The following COL22A1 variants were observed in gnomAD, a reference collection of about 807,000 sequenced individuals.
COL22A1 encodes collagen alpha-1(XXII) chain.
A neutral mutation model predicts 248.9 loss-of-function variants in COL22A1; 221 were observed. The ratio of observed to expected loss-of-function variants is 0.89; its 90% CI spans 0.80 to 0.99. The LOEUF (loss-of-function observed/expected upper bound fraction) is 0.99, where lower values mean the gene tolerates loss of function less well. Ranked by LOEUF, COL22A1 falls within the 50% of genes least tolerant of loss-of-function variation. COL22A1 has a pLI of 0.00. For synonymous variants in COL22A1, 891 were observed against 793.4 expected (o/e 1.12, Z -2.07); for missense variants, 2,240 against 2,179.0 (o/e 1.03, Z -0.56).
At chr8:138,844,273 T>C (rs768977040) in intron 3 of COL22A1, 115 bp from the exon 4 acceptor site, 48 of 899,022 alleles carry the variant, frequency 5.3e-5, no homozygotes, top group African/African-American at 5.2e-4. Flanking sequence ...AGGTGTTCAA[T>C]GCCTGGAGAA....
chr8:138,649,267 A>G (rs970666902), intron 46 of COL22A1, among the ~76,000 whole-genome samples: 3 of 152,228 alleles, frequency 2.0e-5, no homozygotes. Context: ...GATTGAATGC[A>G]TGCATGAATG....
At chr8:138,746,146 A>T (rs956734477) in intron 22 of COL22A1, among the ~76,000 whole-genome samples, 1 of 152,146 alleles carries the variant, frequency 6.6e-6, no homozygotes, top group Non-Finnish European at 1.5e-5. Context: ...TTTGCCGAGG[A>T]TTATCCTGTC....
intron 3 of COL22A1, among the ~76,000 whole-genome samples, chr8:138,874,294 G>T (rs1000855988): frequency 2.6e-5 from 4 of 152,182 alleles, no homozygotes; most frequent in Non-Finnish European, 5.9e-5. Context: ...CAGAATCCAT[G>T]AGCTTTTCTT....
chr8:138,778,074 G>A, intron 15 of COL22A1: 1 of 513,010 alleles, frequency 1.9e-6, no homozygotes, highest in Non-Finnish European at 3.5e-6. Flanking sequence ...AAAATCCTGT[G>A]GTGCTGGTTA....
chr8:138,713,438 C>T (rs1008951228), intron 30 of COL22A1, among the ~76,000 whole-genome samples: 1 of 152,206 alleles, frequency 6.6e-6, no homozygotes, highest in Non-Finnish European at 1.5e-5. Flanking sequence ...CAAGAAATTG[C>T]AACTTGCAAA....
chr8:138,879,041 A>T (rs914979635), intron 2 of COL22A1, among the ~76,000 whole-genome samples: 1 of 143,020 alleles, frequency 7.0e-6, no homozygotes, highest in African/African-American at 2.5e-5. Flanking sequence ...TAGATGTTTT[A>T]AATGCCCATA....
chr8:138,731,873 T>A (rs1306788295), intron 23 of COL22A1, among the ~76,000 whole-genome samples: 1 of 152,194 alleles, frequency 6.6e-6, no homozygotes, highest in Non-Finnish European at 1.5e-5. Context: ...GCTCAATAGC[T>A]ACTGTTGAGT....
chr8:138,741,740 A>T (rs887807505), intron 22 of COL22A1, among the ~76,000 whole-genome samples: 3 of 152,254 alleles, frequency 2.0e-5, no homozygotes. Context: ...ACCACCTAGC[A>T]GTGCCACAGA....
In COL22A1 at chr8:138,698,097, G is replaced by A. The variant is rs994040274; in HGVS notation, c.2592+2015C>T. 7.9e-5 allele frequency among the ~76,000 whole-genome samples: 12 copies of A among 152,182 alleles called. No individual in the cohort carries two copies. The South Asian group carries it at 8.3e-4, about 11-fold the overall frequency. The stretch of plus-strand genomic sequence containing the variant: ...GAGCAATTCCTTTAAGGAGAGGCTG[G>A]ACATGTAGGCTTGTCTCAACCCCGA... On this transcript the variant is annotated intron_variant, in intron 32 of 64. Transcript: ENST00000303045.
At chr8:138,623,440 G>C (rs576584262) in intron 52 of COL22A1, among the ~76,000 whole-genome samples, 1 of 151,812 alleles carries the variant, frequency 6.6e-6, no homozygotes, top group Non-Finnish European at 1.5e-5. Context: ...GGCTACAGGG[G>C]GCAGTAAACC....
chr8:138,748,435 G>C (rs1259075664), intron 22 of COL22A1, among the ~76,000 whole-genome samples: 1 of 152,202 alleles, frequency 6.6e-6, no homozygotes, highest in Non-Finnish European at 1.5e-5. Flanking sequence ...AGAAAGAAGG[G>C]AGAAAATGAG....
At chr8:138,638,117 C>T (rs1177463134) in intron 47 of COL22A1, among the ~76,000 whole-genome samples, 1 of 151,578 alleles carries the variant, frequency 6.6e-6, no homozygotes. Flanking sequence ...TACAACCTAC[C>T]AAAAATACTT....
chr8:138,591,288 T>A, intron 64 of COL22A1, 136 bp downstream of exon 64: 1 of 445,004 alleles, frequency 2.2e-6, no homozygotes, highest in East Asian at 3.5e-5. Context: ...AAGTGAGTGA[T>A]CTCTGTCTCC....
At chr8:138,829,684 C>T (rs1819881327) in intron 5 of COL22A1, among the ~76,000 whole-genome samples, 1 of 152,086 alleles carries the variant, frequency 6.6e-6, no homozygotes, top group Non-Finnish European at 1.5e-5. Flanking sequence ...AAGTAATCTG[C>T]CTGCCTTGGC....
chr8:138,909,444 G>C (rs1350913289), intron 1 of COL22A1, among the ~76,000 whole-genome samples: 1 of 150,946 alleles, frequency 6.6e-6, no homozygotes, highest in African/African-American at 2.4e-5. Flanking sequence ...ACTCAGCCAC[G>C]GGGCAGGCGA....
At position 138,807,767 on chromosome 8, in the gene COL22A1, C is replaced by T. The variant is rs1308828908; in HGVS notation, c.1494+1G>A. 6.2e-7 allele frequency: 1 copy of T among 1,613,850 alleles called. No homozygotes were observed. The highest frequency in any genetic ancestry group is 8.5e-7 in the Non-Finnish European group (1 of 1,179,906). On this transcript the variant is annotated splice_donor_variant, in intron 10 of 64. Transcript: ENST00000303045. LOFTEE classifies it high-confidence loss of function. ...TACACCTCTGCCATGCCTGTACTGA[C>T]CTTTGGACCAGGGAGCCCCATGGGG...
At chr8:138,707,634 C>A (rs945419028) in intron 30 of COL22A1, among the ~76,000 whole-genome samples, 7 of 152,256 alleles carry the variant, frequency 4.6e-5, no homozygotes, top group African/African-American at 1.7e-4. Context: ...TGGGACGTAT[C>A]TCAAAATAAT....
intron 30 of COL22A1, among the ~76,000 whole-genome samples, chr8:138,708,147 A>G (rs959801604): frequency 2.6e-5 from 4 of 152,220 alleles, no homozygotes; most frequent in Non-Finnish European, 4.4e-5. Flanking sequence ...GGACACAAAC[A>G]AATGGAAGAA....
intron 39 of COL22A1, among the ~76,000 whole-genome samples, 167 bp downstream of exon 39, chr8:138,684,258 C>T (rs7829482): frequency 5.7e-5 from 5 of 88,368 alleles, no homozygotes; most frequent in African/African-American, 2.7e-4. Flanking sequence ...AGTAAGATTT[C>T]GAAAAAAAAA....
Sources: gnomAD v4.1 joint callset for allele counts (sites outside exome capture counted in the v4.1 genomes callset) on GRCh38, gnomAD v4.1.1 for gene constraint, MANE v1.5 for transcripts, NCBI Gene and HGNC (gene_info 2026-07-23, HGNC 2026-07-21) for gene names.